The following PHTF2 variants were observed in gnomAD, a reference collection of about 807,000 sequenced individuals.
The protein encoded by PHTF2 is protein PHTF2.
PHTF2 carries 60 observed loss-of-function variants against 101.2 expected under a neutral mutation model. The observed-to-expected ratio is 0.59, with a 90% CI of 0.48 to 0.73. PHTF2 has a LOEUF of 0.73. PHTF2 is among the 30% of genes least tolerant of loss of function. The probability of loss-of-function intolerance (pLI) is 0.00; values close to 1 mark genes in which losing one functional copy is unlikely to be tolerated. For missense variants in PHTF2, 747 were observed against 908.7 expected (o/e 0.82, Z 2.29); for synonymous variants, 311 against 307.3 (o/e 1.01, Z -0.13).
Position 77,806,403 on chromosome 7 carries a change from T to TC in PHTF2, c.-36+7432_-36+7433insC, listed in dbSNP as rs1445994618. Among the ~76,000 whole-genome samples, 6 of 152,352 alleles carry TC rather than the reference T, an allele frequency of 3.9e-5. No individual in the cohort carries two copies. The East Asian group carries it at 9.6e-4, about 24-fold the overall frequency. On this transcript the variant is annotated intron_variant, in intron 1 of 19. Transcript: ENST00000416283. The stretch of plus-strand genomic sequence containing the variant: ...AATTACTTGGTCAATTGGATCCCTT[T>TC]ATCATTGTGAAATGGACCTCTTTAA...
chr7:77,826,963 C>T (rs763123073), intron 1 of PHTF2, among the ~76,000 whole-genome samples: 28 of 152,096 alleles, frequency 1.8e-4, no homozygotes, highest in Non-Finnish European at 2.1e-4. Context: ...TTAAAAGAAT[C>T]GGGGGTGATC....
intron 5 of PHTF2, among the ~76,000 whole-genome samples, chr7:77,897,223 A>G (rs1471378546): frequency 6.6e-6 from 1 of 151,616 alleles, no homozygotes; most frequent in South Asian, 2.1e-4. Context: ...GATGGAGTCT[A>G]GATATTAACA....
At chr7:77,901,149 T>C (rs574962338) in intron 6 of PHTF2, among the ~76,000 whole-genome samples, 1 of 152,328 alleles carries the variant, frequency 6.6e-6, no homozygotes, top group Non-Finnish European at 1.5e-5. Context: ...CCATGAGGGC[T>C]TCACCCTTAT....
At chr7:77,853,223 T>C (rs1323123258) in intron 2 of PHTF2, among the ~76,000 whole-genome samples, 1 of 152,148 alleles carries the variant, frequency 6.6e-6, no homozygotes, top group Non-Finnish European at 1.5e-5. Flanking sequence ...TTTTTGAGGG[T>C]ATTTTCTAGA....
At chr7:77,824,187 TAG>T (rs1293538309) in intron 1 of PHTF2, among the ~76,000 whole-genome samples, 8 of 151,960 alleles carry the variant, frequency 5.3e-5, no homozygotes, top group African/African-American at 1.9e-4. Flanking sequence ...AGAAAGATTC[TAG>T]GGTTCTTTGT....
intron 5 of PHTF2, among the ~76,000 whole-genome samples, chr7:77,896,726 TAGAG>T (rs1465520058): frequency 6.6e-6 from 1 of 152,158 alleles, no homozygotes; most frequent in African/African-American, 2.4e-5. Flanking sequence ...CTAAGGAAGT[TAGAG>T]AGGTACGTAA....
At chr7:77,853,966 G>A (rs1796969322) in intron 2 of PHTF2, among the ~76,000 whole-genome samples, 1 of 152,124 alleles carries the variant, frequency 6.6e-6, no homozygotes, top group African/African-American at 2.4e-5. Context: ...ATTTGGTGAG[G>A]TCATGTTTTC....
chr7:77,947,853 T>TTTTTTC (rs1806208239), intron 16 of PHTF2, among the ~76,000 whole-genome samples: 1 of 140,508 alleles, frequency 7.1e-6, no homozygotes, highest in Non-Finnish European at 1.5e-5. Flanking sequence ...TTTTTTTTTT[T>TTTTTTC]TTGAGACAGA....
intron 2 of PHTF2, chr7:77,854,612 C>T (rs1797025432): frequency 7.9e-6 from 5 of 629,200 alleles, no homozygotes; most frequent in Non-Finnish European, 1.5e-5. Context: ...CATCCAGGAG[C>T]CAGAGCCTGG....
At chr7:77,832,558 C>T (rs1419706281) in intron 1 of PHTF2, among the ~76,000 whole-genome samples, 1 of 152,192 alleles carries the variant, frequency 6.6e-6, no homozygotes, top group Non-Finnish European at 1.5e-5. Flanking sequence ...GGCGGACTAT[C>T]CTGAGATTGC....
chr7:77,915,386 A>G (rs370860324), intron 9 of PHTF2, among the ~76,000 whole-genome samples: 2 of 151,144 alleles, frequency 1.3e-5, no homozygotes, highest in East Asian at 3.9e-4. Context: ...TAATTTTTGT[A>G]TTTTTTAGTA....
chr7:77,914,202 A>G (rs1390997534), intron 9 of PHTF2, among the ~76,000 whole-genome samples: 1 of 152,236 alleles, frequency 6.6e-6, no homozygotes, highest in African/African-American at 2.4e-5. Context: ...ACCCACTGAA[A>G]TACAGTGTTA....
chr7:77,889,438 C>T (rs575792151), intron 3 of PHTF2, among the ~76,000 whole-genome samples: 3 of 152,252 alleles, frequency 2.0e-5, no homozygotes, highest in South Asian at 2.1e-4. Flanking sequence ...AAGGCATACA[C>T]GTTATTAAGC....
intron 12 of PHTF2, among the ~76,000 whole-genome samples, chr7:77,935,427 G>C (rs1052935455): frequency 6.6e-6 from 1 of 151,904 alleles, no homozygotes; most frequent in East Asian, 1.9e-4. Flanking sequence ...GGGTTTCACC[G>C]TGTTAGCCAG....
chr7:77,922,930 C>A, intron 11 of PHTF2, 152 bp downstream of exon 10: 1 of 1,350,086 alleles, frequency 7.4e-7, no homozygotes, highest in Non-Finnish European at 9.6e-7. Flanking sequence ...TATAAAATAG[C>A]AGTTTTAGGT....
At chr7:77,902,069 T>C (rs546513512) in intron 7 of PHTF2, 149 bp downstream of exon 6, 2 of 419,038 alleles carry the variant, frequency 4.8e-6, no homozygotes, top group Admixed American at 4.4e-5. Flanking sequence ...ATTAAAAATA[T>C]TTGAGAAAAC....
intron 17 of PHTF2, among the ~76,000 whole-genome samples, chr7:77,951,331 A>G (rs1483227198): frequency 6.6e-6 from 1 of 152,142 alleles, no homozygotes; most frequent in African/African-American, 2.4e-5. Context: ...TCTAATTATT[A>G]TTTATTTTTT....
chr7:77,943,540 T>G (rs1472379978), intron 16 of PHTF2, among the ~76,000 whole-genome samples: 1 of 152,172 alleles, frequency 6.6e-6, no homozygotes, highest in Non-Finnish European at 1.5e-5. Context: ...TCTCAGGATA[T>G]GCACTGCTAT....
chr7:77,908,556 T>C (rs1221852387), intron 7 of PHTF2, among the ~76,000 whole-genome samples: 1 of 152,208 alleles, frequency 6.6e-6, no homozygotes, highest in Admixed American at 6.5e-5. Flanking sequence ...CGTTGAGGTG[T>C]AGTTTAGAGA....
Sources: gnomAD v4.1 joint callset for allele counts (sites outside exome capture counted in the v4.1 genomes callset) on GRCh38, gnomAD v4.1.1 for gene constraint, MANE v1.5 for transcripts, NCBI Gene and HGNC (gene_info 2026-07-23, HGNC 2026-07-21) for gene names.